The following MSI2 variants were observed in gnomAD, a reference collection of about 807,000 sequenced individuals.
MSI2 encodes musashi RNA binding protein 2, also known as RNA-binding protein Musashi homolog 2.
In MSI2, 17 loss-of-function variants were observed where a neutral mutation model predicts 45.6. The observed-to-expected ratio is 0.37, with a 90% CI of 0.26 to 0.56. The LOEUF is 0.56. Among genes scored for constraint, MSI2 ranks in the 20% least tolerant of loss-of-function variants. The pLI is 0.77. For missense variants in MSI2, 293 were observed against 444.2 expected (o/e 0.66, Z 3.06); for synonymous variants, 156 against 158.2 (o/e 0.99, Z 0.11).
intron 7 of MSI2, among the ~76,000 whole-genome samples, chr17:57,585,822 G>A (rs574554580): frequency 7.2e-5 from 11 of 152,366 alleles, no homozygotes; most frequent in African/African-American, 1.9e-4. Flanking sequence ...CGCCAAAGCC[G>A]CCCCGGGCTC....
chr17:57,563,514 G>A lies in MSI2; in HGVS notation c.455-33354G>A, dbSNP rs147459390. Among the ~76,000 whole-genome samples the A allele has an allele frequency of 7.5e-3, 1,134 of 152,214 alleles. 13 individuals are homozygous for A. The highest frequency in any genetic ancestry group is 0.01 in the Middle Eastern group (3 of 294). On this transcript the variant is annotated intron_variant, in intron 7 of 13. Transcript: ENST00000284073. Reference sequence around the variant, plus strand: ...GCAAGCTAGAACCAAGCTGGGAAGCGGGCTCTGGGCCCAGGATCAGAACCC... The same window carrying A: ...GCAAGCTAGAACCAAGCTGGGAAGCAGGCTCTGGGCCCAGGATCAGAACCC...
intron 5 of MSI2, among the ~76,000 whole-genome samples, chr17:57,392,383 T>A (rs571159093): frequency 6.6e-6 from 1 of 152,184 alleles, no homozygotes; most frequent in Non-Finnish European, 1.5e-5. Flanking sequence ...AGCCGAAGCA[T>A]CCTGATCATT....
chr17:57,318,188 A>G (rs1285887423), intron 5 of MSI2, among the ~76,000 whole-genome samples: 1 of 151,818 alleles, frequency 6.6e-6, no homozygotes, highest in Non-Finnish European at 1.5e-5. Flanking sequence ...TGAGAAGGTG[A>G]GAAGGTGGGA....
intron 6 of MSI2, among the ~76,000 whole-genome samples, chr17:57,461,867 C>T (rs2085236888): frequency 6.6e-6 from 1 of 152,182 alleles, no homozygotes; most frequent in Non-Finnish European, 1.5e-5. Flanking sequence ...CATAAACTTT[C>T]TTCTCTTACT....
chr17:57,348,096 G>A (rs1915761263), intron 5 of MSI2, among the ~76,000 whole-genome samples: 2 of 152,262 alleles, frequency 1.3e-5, no homozygotes, highest in African/African-American at 2.4e-5. Flanking sequence ...TGACGTGGCT[G>A]TAGGAAGACT....
At chr17:57,410,614 C>T (rs555336148) in intron 6 of MSI2, among the ~76,000 whole-genome samples, 2 of 150,804 alleles carry the variant, frequency 1.3e-5, no homozygotes, top group East Asian at 3.9e-4. Flanking sequence ...GAAAAGAAAA[C>T]CCAGCAGAGT....
intron 10 of MSI2, among the ~76,000 whole-genome samples, chr17:57,642,902 A>G (rs574700250): frequency 6.6e-6 from 1 of 152,152 alleles, no homozygotes; most frequent in African/African-American, 2.4e-5. Flanking sequence ...CAGCGGTAGA[A>G]TGGGCCCAGG....
chr17:57,375,086 C>T (rs1041284645), intron 5 of MSI2, among the ~76,000 whole-genome samples: 3 of 152,106 alleles, frequency 2.0e-5, no homozygotes, highest in Non-Finnish European at 4.4e-5. Flanking sequence ...TTTAGATTTG[C>T]CTGGGTTAAT....
intron 9 of MSI2, among the ~76,000 whole-genome samples, chr17:57,623,703 A>T (rs1010596449): frequency 6.6e-6 from 1 of 152,166 alleles, no homozygotes; most frequent in African/African-American, 2.4e-5. Flanking sequence ...TGCTAATGGA[A>T]GTGGTGGCTG....
rs142118539 is a variant in MSI2, at chr17:57,447,773, G to A, written c.405+46302G>A. Among the ~76,000 whole-genome samples, 52 of 152,230 alleles carry A rather than the reference G, an allele frequency of 3.4e-4. No individual in the cohort carries two copies. In the East Asian group the frequency reaches 3.9e-3, roughly 11 times the overall value. ...ACCTGCTTGGCTTCTGGAATGACACGTTTGATCATCGCTGTCTTCCTCTTA... is the reference window on the plus strand; with the variant it reads ...ACCTGCTTGGCTTCTGGAATGACACATTTGATCATCGCTGTCTTCCTCTTA... On this transcript the variant is annotated intron_variant, in intron 6 of 13. Coordinates refer to ENST00000284073, the MANE Select transcript of MSI2 (RefSeq NM_138962.4).
chr17:57,519,283 G>C (rs1360524198), intron 6 of MSI2, among the ~76,000 whole-genome samples: 1 of 152,162 alleles, frequency 6.6e-6, no homozygotes, highest in East Asian at 1.9e-4. Flanking sequence ...GCAGGCGAGG[G>C]GATTGCCAGG....
intron 5 of MSI2, among the ~76,000 whole-genome samples, chr17:57,297,188 GT>G (rs61324365): frequency 0.17 from 19,124 of 115,098 alleles, 2,959 homozygotes; most frequent in African/African-American, 0.41. Flanking sequence ...GTTTTTTTTT[GT>G]TTTTTTTTTT....
chr17:57,478,642 G>T (rs1435271521), intron 6 of MSI2, among the ~76,000 whole-genome samples: 1 of 152,144 alleles, frequency 6.6e-6, no homozygotes, highest in Admixed American at 6.5e-5. Flanking sequence ...TATGACGAAG[G>T]CCACCGTGAG....
intron 6 of MSI2, among the ~76,000 whole-genome samples, chr17:57,446,286 G>C (rs1439706937): frequency 6.6e-6 from 1 of 152,112 alleles, no homozygotes; most frequent in African/African-American, 2.4e-5. Flanking sequence ...GTGACTTCAG[G>C]GAACAGAAGG....
chr17:57,518,713 A>G (rs932323399), intron 6 of MSI2, among the ~76,000 whole-genome samples: 3 of 152,040 alleles, frequency 2.0e-5, no homozygotes, highest in African/African-American at 7.2e-5. Flanking sequence ...GAGGGGGAGA[A>G]GGGAGCATTC....
chr17:57,358,633 A>G (rs1598165939), intron 5 of MSI2, among the ~76,000 whole-genome samples: 1 of 152,306 alleles, frequency 6.6e-6, no homozygotes, highest in Non-Finnish European at 1.5e-5. Context: ...TTCATTGTGC[A>G]AATGAAATGG....
Position 57,682,582 on chromosome 17 carries a change from T to C in MSI2, c.*3065T>C. On this transcript the variant is annotated 3_prime_UTR_variant, in exon 14 of 14. Transcript: ENST00000284073. ...CTTGTGGAAATCCGATATGTTTTAATGTGGCTACCTAGGTTTAAGGTTCAC... is the reference window on the plus strand; with the variant it reads ...CTTGTGGAAATCCGATATGTTTTAACGTGGCTACCTAGGTTTAAGGTTCAC... 4.7e-6 allele frequency: 1 copy of C among 213,030 alleles called. No homozygotes were observed. The highest frequency in any genetic ancestry group is 9.5e-6 in the Non-Finnish European group (1 of 105,428). The allele number at this position is 213,030 out of a possible 1,614,324, so 13.2% of individuals were successfully genotyped here.
rs2086785122 is a variant in MSI2, at chr17:57,529,852, T to C, written c.454+128T>C. The C allele has an allele frequency of 1.4e-6, 1 of 705,314 alleles. No individual in the cohort carries two copies. Among genetic ancestry groups the C allele is most frequent in the Non-Finnish European group, 2.4e-6 (1 of 424,898 alleles). The allele number at this position is 705,314 out of a possible 1,614,324, so 43.7% of individuals were successfully genotyped here. On this transcript the variant is annotated intron_variant, in intron 7 of 13. Transcript: ENST00000284073. This position sits in a 1 kb window ranked among gnomAD's most constrained non-coding sequence, Gnocchi z 5.3. ...TCAAGCAGGTAGAGGTGACCATCCA[T>C]TGAAGATCTTTATTCACGGAGAGTC... is the stretch of plus-strand genomic sequence containing the variant.
chr17:57,392,207 T>A (rs950764061), intron 5 of MSI2, among the ~76,000 whole-genome samples: 1 of 152,138 alleles, frequency 6.6e-6, no homozygotes, highest in Non-Finnish European at 1.5e-5. Flanking sequence ...CCAATAGGAG[T>A]CAGTGCTACT....
Sources: gnomAD v4.1 joint callset for allele counts (sites outside exome capture counted in the v4.1 genomes callset) on GRCh38, gnomAD v4.1.1 for gene constraint, Gnocchi (gnomAD v3.1) non-coding constraint, MANE v1.5 for transcripts, NCBI Gene and HGNC (gene_info 2026-07-23, HGNC 2026-07-21) for gene names.